The following PUM1 variants were observed in gnomAD, a reference collection of about 807,000 sequenced individuals.
PUM1 encodes pumilio homolog 1.
In PUM1, 13 loss-of-function variants were observed where a neutral mutation model predicts 131.8. That is an observed-to-expected ratio of 0.10 (90% CI 0.06 to 0.16). The LOEUF (loss-of-function observed/expected upper bound fraction) is 0.16. Among genes scored for constraint, PUM1 ranks in the 10% least tolerant of loss-of-function variants. PUM1 has a pLI of 1.00. For missense variants in PUM1, 961 were observed against 1,512.4 expected (o/e 0.64, Z 6.05); for synonymous variants, 509 against 556.5 (o/e 0.91, Z 1.20).
At chr1:30,992,258 C>T in intron 7 of PUM1, 132 bp downstream of exon 7, 1 of 1,210,610 alleles carries the variant, frequency 8.3e-7, no homozygotes, top group South Asian at 1.5e-5. Context: ...ACATCACTAA[C>T]AGGTTCACAA....
chr1:30,954,968 T>C (rs1415521448), intron 14 of PUM1, among the ~76,000 whole-genome samples: 3 of 151,846 alleles, frequency 2.0e-5, no homozygotes, highest in Admixed American at 6.6e-5. Flanking sequence ...ACTTGGGATG[T>C]TGAGATAGGA....
At chr1:30,992,248 A>T in intron 7 of PUM1, 142 bp downstream of exon 7, 1 of 1,112,750 alleles carries the variant, frequency 9.0e-7, no homozygotes, top group Non-Finnish European at 1.3e-6. Flanking sequence ...CTGTAAACCT[A>T]CATCACTAAC....
intron 3 of PUM1, among the ~76,000 whole-genome samples, chr1:31,021,566 C>A (rs1643027984): frequency 6.6e-6 from 1 of 152,136 alleles, no homozygotes; most frequent in Admixed American, 6.5e-5. Context: ...GAAAACATCA[C>A]CATATATACA....
In PUM1 at chr1:30,979,980, G is replaced by A. The variant is rs146502892; in HGVS notation, c.1354+82C>T. 82 of 939,726 alleles carry A rather than the reference G, an allele frequency of 8.7e-5. No homozygotes were observed. In the East Asian group the frequency reaches 2.2e-3, roughly 25 times the overall value. The allele number at this position is 939,726 out of a possible 1,614,324, so 58.2% of individuals were successfully genotyped here. A position where few individuals can be genotyped will look rare whatever the true frequency, so the allele number is the denominator to read the frequency against. Reference sequence around the variant, plus strand: ...AATCTCCACTGGAGACATGGATTTGGGAAAGAGTATAAAGAATGCACGCCC... The same window carrying A: ...AATCTCCACTGGAGACATGGATTTGAGAAAGAGTATAAAGAATGCACGCCC... On this transcript the variant is annotated intron_variant, in intron 9 of 21. Transcript: ENST00000426105.
chr1:31,039,049 T>G (rs1178819125), intron 2 of PUM1, among the ~76,000 whole-genome samples: 1 of 142,724 alleles, frequency 7.0e-6, no homozygotes, highest in Non-Finnish European at 1.5e-5. Context: ...CAGGCTGGAA[T>G]GCAGTGGCAC....
chr1:30,989,862 C>A (rs929932784), intron 7 of PUM1, among the ~76,000 whole-genome samples: 1 of 152,164 alleles, frequency 6.6e-6, no homozygotes, highest in Non-Finnish European at 1.5e-5. Context: ...ATCTGTAGAA[C>A]ACAAATCTGT....
At chr1:31,006,858 T>G (rs932376316) in intron 4 of PUM1, 136 bp downstream of exon 4, 1 of 636,646 alleles carries the variant, frequency 1.6e-6, no homozygotes, top group African/African-American at 1.8e-5. Context: ...AGCTCCTTAA[T>G]GGCAATTATA....
chr1:31,052,254 C>T (rs1322363219), intron 2 of PUM1, among the ~76,000 whole-genome samples: 1 of 152,072 alleles, frequency 6.6e-6, no homozygotes, highest in African/African-American at 2.4e-5. Flanking sequence ...TCTCGTGATC[C>T]GCCTGCCTCG....
At chr1:31,056,642 T>C (rs1275754966) in intron 2 of PUM1, among the ~76,000 whole-genome samples, 1 of 65,150 alleles carries the variant, frequency 1.5e-5, no homozygotes. Context: ...TTTTTTTTTT[T>C]TTGAGACAGG....
At chr1:31,033,148 G>A (rs894010703) in intron 2 of PUM1, among the ~76,000 whole-genome samples, 3 of 151,884 alleles carry the variant, frequency 2.0e-5, no homozygotes, top group African/African-American at 7.3e-5. Flanking sequence ...AGAGAATTAG[G>A]AGACCATATT....
At chr1:31,016,757 A>C (rs1486362738) in intron 3 of PUM1, among the ~76,000 whole-genome samples, 2 of 152,216 alleles carry the variant, frequency 1.3e-5, no homozygotes, top group Non-Finnish European at 2.9e-5. Flanking sequence ...TACTGAAAAC[A>C]GATTACCATA....
intron 7 of PUM1, among the ~76,000 whole-genome samples, chr1:30,989,557 G>C (rs527824579): frequency 9.2e-6 from 1 of 109,034 alleles, no homozygotes; most frequent in Admixed American, 1.3e-4. Flanking sequence ...GGGCAAAAGA[G>C]TGAGACTCCG....
At chr1:31,002,182 T>C (rs1203655056) in intron 5 of PUM1, among the ~76,000 whole-genome samples, 2 of 152,136 alleles carry the variant, frequency 1.3e-5, no homozygotes, top group Non-Finnish European at 2.9e-5. Context: ...TGTACAGAAG[T>C]TTTCAAACAA....
At chr1:31,053,062 G>C (rs1455061032) in intron 2 of PUM1, among the ~76,000 whole-genome samples, 1 of 150,032 alleles carries the variant, frequency 6.7e-6, no homozygotes, top group Non-Finnish European at 1.5e-5. Context: ...ACCCAGGCTG[G>C]AATGCAGTGG....
Position 31,041,068 on chromosome 1 carries a change from A to C in PUM1, c.364-12204T>G, listed in dbSNP as rs1643799316. On this transcript the variant is annotated intron_variant, in intron 2 of 21. Coordinates refer to ENST00000426105, the MANE Select transcript of PUM1 (RefSeq NM_001020658.2). Reference sequence around the variant, plus strand: ...GCAACATAGGTATAATCTCGGAACTATTGTCGGCAGAAACAGGAGGCAGAA... The same window carrying C: ...GCAACATAGGTATAATCTCGGAACTCTTGTCGGCAGAAACAGGAGGCAGAA... Among the ~76,000 whole-genome samples the C allele has an allele frequency of 1.3e-5, 2 of 152,202 alleles. 1 individual carries two copies. Among genetic ancestry groups the C allele is most frequent in the South Asian group, 4.1e-4 (2 of 4,826 alleles).
intron 1 of PUM1, among the ~76,000 whole-genome samples, chr1:31,063,575 C>T (rs1644413416): frequency 1.3e-5 from 2 of 151,988 alleles, no homozygotes; most frequent in African/African-American, 4.8e-5. Context: ...ACGCAATACA[C>T]GCATGTACAA....
intron 2 of PUM1, among the ~76,000 whole-genome samples, chr1:31,044,956 T>A (rs1643917054): frequency 6.6e-6 from 1 of 152,120 alleles, no homozygotes; most frequent in Non-Finnish European, 1.5e-5. Context: ...ATTAAAGGCA[T>A]GCGCCACCAC....
At chr1:30,968,074 G>A (rs4317854) in intron 11 of PUM1, 396,617 of 529,940 alleles carry the variant, frequency 0.75, 151,209 homozygotes, top group African/African-American at 0.92. Context: ...ATCTATCCCT[G>A]ATTCTGAAAC....
At chr1:31,019,474 C>T (rs79646174) in intron 3 of PUM1, among the ~76,000 whole-genome samples, 6,677 of 152,270 alleles carry the variant, frequency 0.044, 449 homozygotes, top group African/African-American at 0.15. Flanking sequence ...TCTGCACACA[C>T]CAAAGAATAC....
Sources: gnomAD v4.1 joint callset for allele counts (sites outside exome capture counted in the v4.1 genomes callset) on GRCh38, gnomAD v4.1.1 for gene constraint, MANE v1.5 for transcripts, NCBI Gene and HGNC (gene_info 2026-07-23, HGNC 2026-07-21) for gene names.